RBFOX1: variants seen among roughly 807,000 people sequenced by gnomAD.
RBFOX1 encodes the protein RNA binding protein fox-1 homolog 1.
A neutral mutation model predicts 57.7 loss-of-function variants in RBFOX1; 8 were observed. That is an observed-to-expected ratio of 0.14 (90% confidence interval 0.08 to 0.25). RBFOX1 has a LOEUF of 0.25. Ranked by LOEUF, RBFOX1 falls within the 10% of genes least tolerant of loss-of-function variation. The pLI is 1.00. For missense variants in RBFOX1, 611 were observed against 548.5 expected (o/e 1.11, Z -1.14); for synonymous variants, 326 against 222.4 (o/e 1.47, Z -4.15).
At chr16:5,327,530 C>T (rs1284011805) in intron 1 of RBFOX1, among the ~76,000 whole-genome samples, 2 of 152,188 alleles carry the variant, frequency 1.3e-5, no homozygotes, top group South Asian at 2.1e-4. Flanking sequence ...CAAATGTTAA[C>T]TTTGCAGCAG....
At chr16:7,357,195 G>T (rs926303380) in intron 4 of RBFOX1, among the ~76,000 whole-genome samples, 35 of 150,542 alleles carry the variant, frequency 2.3e-4, no homozygotes, top group African/African-American at 7.6e-4. Flanking sequence ...CATACACGCA[G>T]TTTTGAAATC....
At chr16:5,717,245 G>C (rs2051737658) in intron 3 of RBFOX1, among the ~76,000 whole-genome samples, 1 of 152,056 alleles carries the variant, frequency 6.6e-6, no homozygotes, top group Non-Finnish European at 1.5e-5. Context: ...TTTCTTGTGT[G>C]ATACAGCCTC....
At chr16:7,064,941 C>G (rs369863875) in intron 4 of RBFOX1, among the ~76,000 whole-genome samples, 29 of 152,282 alleles carry the variant, frequency 1.9e-4, no homozygotes, top group African/African-American at 6.5e-4. Flanking sequence ...ATAGTGGACT[C>G]CCTTGGGGGA....
chr16:6,581,571 G>A (rs2097538105), intron 2 of RBFOX1, among the ~76,000 whole-genome samples: 1 of 152,140 alleles, frequency 6.6e-6, no homozygotes, highest in Non-Finnish European at 1.5e-5. Context: ...CCCTTCCTGG[G>A]CAGAAGGCGG....
intron 1 of RBFOX1, among the ~76,000 whole-genome samples, chr16:6,250,040 G>A (rs1447269081): frequency 1.3e-5 from 2 of 152,076 alleles, no homozygotes; most frequent in African/African-American, 2.4e-5. Context: ...GACTAAGCAG[G>A]AGGTGATGTT....
chr16:6,911,058 G>A (rs193126127), intron 3 of RBFOX1, among the ~76,000 whole-genome samples: 37 of 151,982 alleles, frequency 2.4e-4, no homozygotes, highest in Admixed American at 1.3e-4. Flanking sequence ...AAAATTAGCC[G>A]AGCGTGGTGG....
intron 1 of RBFOX1, among the ~76,000 whole-genome samples, chr16:6,113,941 G>T (rs1453550079): frequency 1.3e-5 from 2 of 152,184 alleles, no homozygotes. Context: ...ATACTCTAGG[G>T]CTGGTATCCA....
rs549920859 is a variant in RBFOX1, at chr16:7,628,395, G to A, written c.677-2208G>A. ...GAGCAGAAGCACATAGATAACCGCT[G>A]CAGAGTCACACAGGAGTACTCATTG... On this transcript the variant is annotated intron_variant, in intron 10 of 15. Transcript: ENST00000550418. 2.6e-5 allele frequency among the ~76,000 whole-genome samples: 4 copies of A among 152,212 alleles called. No individual in the cohort carries two copies. In the East Asian group the frequency reaches 7.7e-4, roughly 29 times the overall value.
chr16:6,969,684 C>T (rs1332378418), intron 3 of RBFOX1, among the ~76,000 whole-genome samples: 2 of 151,942 alleles, frequency 1.3e-5, no homozygotes, highest in Non-Finnish European at 2.9e-5. Context: ...GCGGAGGTTG[C>T]AGTGAGCTGA....
chr16:7,087,814 C>T (rs1434060548), intron 4 of RBFOX1, among the ~76,000 whole-genome samples: 2 of 152,140 alleles, frequency 1.3e-5, no homozygotes, highest in African/African-American at 4.8e-5. Flanking sequence ...CTTCTGTTTG[C>T]TGACAGAGCC....
chr16:6,194,648 C>T (rs566508127), intron 1 of RBFOX1, among the ~76,000 whole-genome samples: 1 of 152,320 alleles, frequency 6.6e-6, no homozygotes, highest in South Asian at 2.1e-4. Flanking sequence ...TCCAGGCATT[C>T]TTTCCCTGAG....
intron 2 of RBFOX1, among the ~76,000 whole-genome samples, chr16:6,515,745 C>T (rs1301078399): frequency 6.6e-6 from 1 of 152,122 alleles, no homozygotes; most frequent in Non-Finnish European, 1.5e-5. Flanking sequence ...CTGTGCTGAA[C>T]TAATGTTAGC....
intron 4 of RBFOX1, among the ~76,000 whole-genome samples, chr16:7,387,445 C>T (rs1048931656): frequency 6.6e-6 from 1 of 152,112 alleles, no homozygotes; most frequent in East Asian, 1.9e-4. Flanking sequence ...TTCATATACC[C>T]CTGTCTTCCA....
chr16:7,008,631 TTCCTCCCTCCCTTCCTTCC>T (rs2093439030), intron 3 of RBFOX1, among the ~76,000 whole-genome samples: 1 of 87,004 alleles, frequency 1.1e-5, no homozygotes, highest in Non-Finnish European at 2.1e-5. Flanking sequence ...CCTCCCTCCC[TTCCTCCCTCCCTTCCTTCC>T]TCCTCCCTTC....
chr16:6,704,182 T>C (rs915910507), intron 3 of RBFOX1: 3 of 152,224 alleles, frequency 2.0e-5, no homozygotes, highest in African/African-American at 7.2e-5. Context: ...ATGTTGTGTG[T>C]AAGGAAATGG....
chr16:6,884,847 C>A (rs2063662391), intron 3 of RBFOX1, among the ~76,000 whole-genome samples: 1 of 152,122 alleles, frequency 6.6e-6, no homozygotes, highest in African/African-American at 2.4e-5. Flanking sequence ...GCAGTCAGCC[C>A]AGAGTGCTCC....
At chr16:7,519,911 G>C (rs768454152) in intron 5 of RBFOX1, among the ~76,000 whole-genome samples, 1 of 151,850 alleles carries the variant, frequency 6.6e-6, no homozygotes, top group African/African-American at 2.4e-5. Flanking sequence ...TTTGAGATGG[G>C]GTCTCACTCT....
At chr16:6,822,193 G>A (rs2091425853) in intron 3 of RBFOX1, among the ~76,000 whole-genome samples, 1 of 152,160 alleles carries the variant, frequency 6.6e-6, no homozygotes, top group Admixed American at 6.5e-5. Context: ...GAGAATGATG[G>A]ATGGTTGGAT....
At chr16:7,204,032 G>A (rs1266234666) in intron 4 of RBFOX1, among the ~76,000 whole-genome samples, 2 of 152,200 alleles carry the variant, frequency 1.3e-5, no homozygotes, top group East Asian at 1.9e-4. Flanking sequence ...CTAACATTTC[G>A]ATCTGCAGCC....
Sources: gnomAD v4.1 joint callset for allele counts (sites outside exome capture counted in the v4.1 genomes callset) on GRCh38, gnomAD v4.1.1 for gene constraint, MANE v1.5 for transcripts, NCBI Gene and HGNC (gene_info 2026-07-23, HGNC 2026-07-21) for gene names.